The following C12orf56 variants were observed in gnomAD, a reference collection of about 807,000 sequenced individuals.
C12orf56 encodes the protein chromosome 12 open reading frame 56.
A neutral mutation model predicts 69.9 loss-of-function variants in C12orf56; 71 were observed. The ratio of observed to expected loss-of-function variants is 1.02; its 90% CI spans 0.84 to 1.24. C12orf56 has a LOEUF of 1.24. C12orf56 is among the 50% of genes most tolerant of loss of function. The pLI is 0.00. For missense variants in C12orf56, 732 were observed against 738.5 expected (o/e 0.99, Z 0.10); for synonymous variants, 276 against 274.1 (o/e 1.01, Z -0.07).
chr12:64,381,998 A>T (rs1332915087), intron 1 of C12orf56, among the ~76,000 whole-genome samples: 1 of 152,200 alleles, frequency 6.6e-6, no homozygotes. Flanking sequence ...GCGGTGGCTC[A>T]CGCCTGTAAT....
intron 2 of C12orf56, among the ~76,000 whole-genome samples, chr12:64,337,938 T>C (rs185285263): frequency 6.6e-6 from 1 of 152,084 alleles, no homozygotes; most frequent in African/African-American, 2.4e-5. Flanking sequence ...GAGAACATTC[T>C]TTTTTCTTTT....
In C12orf56 at chr12:64,270,580, CCTG is replaced by C. The variant is rs758365563; in HGVS notation, c.1716_1718del (p.Ser572del). On this transcript the variant is annotated inframe_deletion, in exon 12 of 13. Coordinates refer to ENST00000543942, the MANE Select transcript of C12orf56 (RefSeq NM_001170633.2). ...TATTCCTAATATACTCAGCTAGAGT[CCTG>C]CTGTGCCGCAGACAGCTCTTGAGGA... The C allele has an allele frequency of 6.2e-7, 1 of 1,612,044 alleles. No individual in the cohort carries two copies. Among genetic ancestry groups the C allele is most frequent in the East Asian group, 2.2e-5 (1 of 44,856 alleles).
In C12orf56 at chr12:64,331,437, G is replaced by A. The variant is rs113084953; in HGVS notation, c.416-405C>T. 1.5e-3 allele frequency among the ~76,000 whole-genome samples: 228 copies of A among 152,230 alleles called. 3 individuals carry two copies. Among genetic ancestry groups the A allele is most frequent in the African/African-American group, 5.2e-3 (214 of 41,540 alleles). ...GATTGCTTGAGCCTAGGTGGTTGAG[G>A]ATGCAGTGAGCTATGATCACACCAC... On this transcript the variant is annotated intron_variant, in intron 2 of 12. Transcript: ENST00000543942.
Position 64,390,301 on chromosome 12 carries a change from C to T in C12orf56, c.252+13G>A, listed in dbSNP as rs534037500. On this transcript the variant is annotated intron_variant, in intron 1 of 12. Transcript: ENST00000543942. ...TGCGCTCCCGAGCCCGCCTGCCCACCCGCGCCGCTCACCAGGTCAATGGCC... is the reference window on the plus strand; with the variant it reads ...TGCGCTCCCGAGCCCGCCTGCCCACTCGCGCCGCTCACCAGGTCAATGGCC... 61 of 1,595,692 alleles carry T rather than the reference C, an allele frequency of 3.8e-5. No individual in the cohort carries two copies. Among genetic ancestry groups the T allele is most frequent in the Admixed American group, 2.9e-4 (17 of 58,798 alleles).
intron 1 of C12orf56, 94 bp downstream of exon 1, chr12:64,390,220 G>A: frequency 7.0e-7 from 1 of 1,429,736 alleles, no homozygotes; most frequent in Non-Finnish European, 9.2e-7. Flanking sequence ...GCAGGATGGG[G>A]CAGCCCTCCC....
In C12orf56 at chr12:64,265,505, G is replaced by A. The variant is rs1431659609; in HGVS notation, c.*1678C>T. The A allele has an allele frequency of 6.6e-6, 1 of 152,250 alleles. No homozygotes were observed. Among genetic ancestry groups the A allele is most frequent in the Non-Finnish European group, 1.5e-5 (1 of 68,078 alleles). 9.4% of individuals were successfully genotyped at this position (152,250 alleles called of 1,614,324 possible). On this transcript the variant is annotated 3_prime_UTR_variant, in exon 13 of 13. Coordinates refer to ENST00000543942, the MANE Select transcript of C12orf56 (RefSeq NM_001170633.2). ...GTCTTGTCACAGGCAGAGAATGTAA[G>A]AGCTGGAAGAGAACTTGGAGAACAT...
intron 10 of C12orf56, 64 bp downstream of exon 10, chr12:64,275,234 T>C (rs957870935): frequency 1.4e-6 from 1 of 739,400 alleles, no homozygotes; most frequent in East Asian, 2.9e-5. Flanking sequence ...TATCATAATA[T>C]ATAATAGTCA....
chr12:64,343,641 C>A (rs943671221), intron 2 of C12orf56, among the ~76,000 whole-genome samples: 1 of 152,204 alleles, frequency 6.6e-6, no homozygotes, highest in Non-Finnish European at 1.5e-5. Flanking sequence ...GTTAAGCTTA[C>A]AATAATCCAC....
chr12:64,338,776 A>G (rs981344606), intron 2 of C12orf56: 13 of 1,363,700 alleles, frequency 9.5e-6, no homozygotes, highest in Admixed American at 5.2e-5. Context: ...TTTGCATGTC[A>G]GCATTGCTGA....
intron 3 of C12orf56, among the ~76,000 whole-genome samples, chr12:64,324,760 C>A (rs1230503183): frequency 6.6e-6 from 1 of 152,132 alleles, no homozygotes; most frequent in Non-Finnish European, 1.5e-5. Context: ...CAGGCAGAGG[C>A]AGACAGGTAC....
chr12:64,378,920 G>A (rs1380197664), intron 1 of C12orf56, among the ~76,000 whole-genome samples: 1 of 151,798 alleles, frequency 6.6e-6, no homozygotes, highest in African/African-American at 2.4e-5. Flanking sequence ...GTGTGGTGGT[G>A]CGTGCCTGTA....
chr12:64,377,351 G>A (rs1341939515), intron 1 of C12orf56, among the ~76,000 whole-genome samples: 1 of 151,782 alleles, frequency 6.6e-6, no homozygotes, highest in Non-Finnish European at 1.5e-5. Flanking sequence ...ACCACCCCCA[G>A]CTAATTTTTT....
At chr12:64,306,752 T>C (rs945908452) in intron 5 of C12orf56, among the ~76,000 whole-genome samples, 1 of 152,168 alleles carries the variant, frequency 6.6e-6, no homozygotes, top group African/African-American at 2.4e-5. Flanking sequence ...AAATAATACC[T>C]CACATTTGTA....
At position 64,338,443 on chromosome 12, in the gene C12orf56, C is replaced by T. The variant is rs116275147; in HGVS notation, c.416-7411G>A. The T allele has an allele frequency of 1.9e-3, 1,588 of 823,452 alleles. 17 individuals are homozygous for T. In the African/African-American group the frequency reaches 0.022, roughly 11 times the overall value. The allele number at this position is 823,452 out of a possible 1,614,324, so 51.0% of individuals were successfully genotyped here. On this transcript the variant is annotated intron_variant, in intron 2 of 12. Coordinates refer to ENST00000543942, the MANE Select transcript of C12orf56 (RefSeq NM_001170633.2). Reference sequence around the variant, plus strand: ...TGTACATAGGGATTTCCTTTTGCACCGCAGACTTTACCAGAGGGAAATCTT... The same window carrying T: ...TGTACATAGGGATTTCCTTTTGCACTGCAGACTTTACCAGAGGGAAATCTT...
intron 3 of C12orf56, 148 bp from the exon 4 acceptor site, chr12:64,319,128 TA>T (rs2038735466): frequency 2.9e-6 from 2 of 695,238 alleles, no homozygotes; most frequent in African/African-American, 3.6e-5. Flanking sequence ...TCGCTGGTAA[TA>T]ACCCATTGAC....
intron 4 of C12orf56, among the ~76,000 whole-genome samples, chr12:64,317,711 G>A (rs1411955590): frequency 6.6e-6 from 1 of 150,950 alleles, no homozygotes; most frequent in Non-Finnish European, 1.5e-5. Flanking sequence ...AGTGAGCCGA[G>A]ATCACACCAC....
intron 1 of C12orf56, among the ~76,000 whole-genome samples, chr12:64,357,398 T>C (rs563383109): frequency 5.3e-5 from 8 of 151,302 alleles, no homozygotes; most frequent in African/African-American, 1.9e-4. Flanking sequence ...GCAATCATAA[T>C]TTTTTCTTTT....
At chr12:64,282,348 T>C (rs1159338546) in intron 8 of C12orf56, among the ~76,000 whole-genome samples, 1 of 152,272 alleles carries the variant, frequency 6.6e-6, no homozygotes, top group Non-Finnish European at 1.5e-5. Flanking sequence ...CATTCGTTCA[T>C]GTACTGCTTA....
intron 2 of C12orf56, among the ~76,000 whole-genome samples, chr12:64,346,017 A>T (rs1592472942): frequency 6.6e-6 from 1 of 152,178 alleles, no homozygotes. Context: ...CCCCAAAACC[A>T]ATGAAAGAAC....
Sources: gnomAD v4.1 joint callset for allele counts (sites outside exome capture counted in the v4.1 genomes callset) on GRCh38, gnomAD v4.1.1 for gene constraint, MANE v1.5 for transcripts, NCBI Gene and HGNC (gene_info 2026-07-23, HGNC 2026-07-21) for gene names.